Variants in PHF12 observed in about 807,000 individuals in gnomAD.
The protein encoded by PHF12 is PHD finger protein 12, also known as PHD factor 1.
In PHF12, 6 loss-of-function variants were observed where a neutral mutation model predicts 99.8. That is an observed-to-expected ratio of 0.06 (90% CI 0.03 to 0.12). The LOEUF is 0.12. Ranked by LOEUF, PHF12 falls within the 10% of genes least tolerant of loss-of-function variation. The pLI is 1.00. For missense variants in PHF12, 954 were observed against 1,300.1 expected, an observed-to-expected ratio of 0.73 and a Z score of 4.09; for synonymous variants, 480 against 514.9, an observed-to-expected ratio of 0.93 and a Z score of 0.92.
At position 28,950,935 on chromosome 17, in the gene PHF12, G is replaced by T; in HGVS notation, c.26C>A (p.Thr9Lys). The T allele has an allele frequency of 6.2e-7, 1 of 1,613,964 alleles. No homozygotes were observed. The highest frequency in any genetic ancestry group is 8.5e-7 in the Non-Finnish European group (1 of 1,179,920). MWEKMETK[T>K]IVYDLDTSGG... The stretch of plus-strand genomic sequence containing the variant: ...TGATGTGTCCAAGTCGTACACGATC[G>T]TCTTGGTCTCCATTTTCTCCCACAT... Residue 9 changes from threonine to lysine, a missense_variant, in exon 1 of 15, where the codon ACG becomes AAG. Transcript: ENST00000332830. The surrounding 1 kb of genome is among the most constrained non-coding windows in gnomAD (Gnocchi z 5.7).
chr17:28,942,766 A>G (rs1210619296), intron 2 of PHF12, among the ~76,000 whole-genome samples: 1 of 152,098 alleles, frequency 6.6e-6, no homozygotes, highest in Non-Finnish European at 1.5e-5. Flanking sequence ...CAGTGAGCTG[A>G]GATCACACCA....
chr17:28,923,871 C>G, intron 4 of PHF12, 38 bp downstream of exon 4: 1 of 1,565,860 alleles, frequency 6.4e-7, no homozygotes. Flanking sequence ...TTTGGGGAAA[C>G]TGGGGTTGGG....
At chr17:28,916,472 A>G (rs1441880636) in intron 7 of PHF12, among the ~76,000 whole-genome samples, 14 of 152,248 alleles carry the variant, frequency 9.2e-5, no homozygotes, top group Admixed American at 9.2e-4. Flanking sequence ...CTAGGATTAC[A>G]GGCGTGAGCC....
chr17:28,950,830 G>A lies in PHF12; in HGVS notation c.66+65C>T. 6.2e-7 allele frequency: 1 copy of A among 1,600,540 alleles called. No individual in the cohort carries two copies. On this transcript the variant is annotated intron_variant, in intron 1 of 14. Transcript: ENST00000332830. The surrounding 1 kb of genome is among the most constrained non-coding windows in gnomAD (Gnocchi z 5.7). ...GCGCTTCGAGTTTAGGACTGGCTTT[G>A]TGGGGCGGAGGGCGGAGGTTCCCTC...
chr17:28,915,402 G>C (rs1254407861), intron 7 of PHF12, among the ~76,000 whole-genome samples: 1 of 142,348 alleles, frequency 7.0e-6, no homozygotes, highest in Non-Finnish European at 1.5e-5. Context: ...CAGATGTGGA[G>C]AGGCAGAAGA....
At chr17:28,947,077 G>A (rs1366436878) in intron 2 of PHF12, among the ~76,000 whole-genome samples, 3 of 151,468 alleles carry the variant, frequency 2.0e-5, no homozygotes, top group Non-Finnish European at 2.9e-5. Flanking sequence ...TCTGCTGCCT[G>A]GGTTCAAGTG....
chr17:28,906,903 G>C lies in PHF12; in HGVS notation c.2633C>G (p.Pro878Arg). 1 of 1,612,996 alleles carries C rather than the reference G, an allele frequency of 6.2e-7. No individual in the cohort carries two copies. Among genetic ancestry groups the C allele is most frequent in the East Asian group, 2.2e-5 (1 of 44,836 alleles). The change falls in exon 14 of 15, where the codon CCG becomes CGG. Residue 878 changes from proline to arginine, a missense_variant. By Grantham distance (103) the Pro-to-Arg change is moderately radical. This residue lies in a region of PHF12 where 136 missense variants were observed against 172.3 expected (regional missense o/e 0.79). Transcript: ENST00000332830. The surrounding 1 kb of genome is among the most constrained non-coding windows in gnomAD (Gnocchi z 4.2). ...LYSCDFSEKT[P>R]PTPPSSIVAK... is the part of the protein sequence containing the mutation. ...AACAATACTGCTTGGGGGGGTTGGC[G>C]GGGTCTTCTCCGAGAAGTCACATGA... is the stretch of plus-strand genomic sequence containing the variant.
Position 28,951,114 on chromosome 17 carries a change from GC to G in PHF12, c.-155del. On this transcript the variant is annotated 5_prime_UTR_variant, in exon 1 of 15. Transcript: ENST00000332830. ...CGCCCTGGCTCCCCCCCACCCCCCG[GC>G]CCCCAGTCCCCGGGACGACAGCGTC... The G allele has an allele frequency of 2.1e-6, 3 of 1,451,374 alleles. No individual in the cohort carries two copies. The highest frequency in any genetic ancestry group is 2.7e-6 in the Non-Finnish European group (3 of 1,102,390). The allele number at this position is 1,451,374 out of a possible 1,614,324, so 89.9% of individuals were successfully genotyped here.
intron 4 of PHF12, among the ~76,000 whole-genome samples, chr17:28,923,223 A>C (rs1031366800): frequency 5.3e-5 from 8 of 152,344 alleles, no homozygotes; most frequent in African/African-American, 1.9e-4. Context: ...ATAAACAAGA[A>C]TCAACCAGTG....
Position 28,926,721 on chromosome 17 carries a change from A to G in PHF12, c.321+270T>C, listed in dbSNP as rs1175840484. 3.0e-6 allele frequency: 4 copies of G among 1,317,026 alleles called. No homozygotes were observed. The Admixed American group carries it at 9.1e-5, about 30-fold the overall frequency. 81.6% of individuals were successfully genotyped at this position (1,317,026 alleles called of 1,614,324 possible). A position where few individuals can be genotyped will look rare whatever the true frequency, so the allele number is the denominator to read the frequency against. On this transcript the variant is annotated intron_variant, in intron 3 of 14. Transcript: ENST00000332830. ...GATAAGGCCACTTATTAGGAGGACA[A>G]CAAGAAGGTAAGACTACTCCTGTCA...
chr17:28,946,941 A>C (rs2040731552), intron 2 of PHF12, among the ~76,000 whole-genome samples: 1 of 152,160 alleles, frequency 6.6e-6, no homozygotes, highest in African/African-American at 2.4e-5. Flanking sequence ...CAGAGGAAAT[A>C]TAACCTTACT....
rs1324009512 is a variant in PHF12 at position 28,910,211 on chromosome 17, T to C, written c.2359+15A>G. The C allele has an allele frequency of 6.2e-7, 1 of 1,614,076 alleles. No homozygotes were observed. The highest frequency in any genetic ancestry group is 1.7e-5 in the Admixed American group (1 of 60,008). ...GGAGATCTGATGATGTGGTGACAGG[T>C]GTGTACATGCGCACCTTCTATGTGG... On this transcript the variant is annotated intron_variant, in intron 11 of 14. Coordinates refer to ENST00000332830, the MANE Select transcript of PHF12 (RefSeq NM_001033561.2).
At chr17:28,920,064 G>A (rs1344805486) in intron 5 of PHF12, among the ~76,000 whole-genome samples, 3 of 152,170 alleles carry the variant, frequency 2.0e-5, no homozygotes, top group Non-Finnish European at 4.4e-5. Flanking sequence ...CAGCAGAACT[G>A]ACAATTAGAG....
At chr17:28,926,642 AG>A (rs1311850464) in intron 3 of PHF12, 1 of 560,874 alleles carries the variant, frequency 1.8e-6, no homozygotes, top group East Asian at 5.8e-5. Context: ...CTGGGGTGAG[AG>A]AAAACTCCAT....
chr17:28,914,127 T>C, intron 7 of PHF12, 90 bp from the exon 8 acceptor site: 1 of 1,402,704 alleles, frequency 7.1e-7, no homozygotes, highest in Non-Finnish European at 9.7e-7. Context: ...CTGTCTGTGG[T>C]GCTGGTGCTC....
At chr17:28,914,151 C>T in intron 7 of PHF12, 114 bp from the exon 8 acceptor site, 1 of 1,181,894 alleles carries the variant, frequency 8.5e-7, no homozygotes, top group Non-Finnish European at 1.2e-6. Flanking sequence ...GGACCATCCA[C>T]TCTGGGGTCT....
At chr17:28,935,134 C>T (rs564944687) in intron 2 of PHF12, among the ~76,000 whole-genome samples, 1 of 152,344 alleles carries the variant, frequency 6.6e-6, no homozygotes, top group African/African-American at 2.4e-5. Context: ...GAAGACAGAG[C>T]TCTTGCAGAG....
Position 28,906,457 on chromosome 17 carries a change from G to A in PHF12, c.2741C>T (p.Ser914Phe). The A allele has an allele frequency of 1.2e-6, 2 of 1,613,862 alleles. No individual in the cohort carries two copies. Among genetic ancestry groups the A allele is most frequent in the East Asian group, 2.2e-5 (1 of 44,892 alleles). Residue 914 changes from serine to phenylalanine, a missense_variant, in exon 15 of 15, where the codon TCC becomes TTC. Physicochemically the swap from Ser to Phe is radical, Grantham distance 155 (BLOSUM62 -2). Coordinates refer to ENST00000332830, the MANE Select transcript of PHF12 (RefSeq NM_001033561.2). The surrounding 1 kb of genome is among the most constrained non-coding windows in gnomAD (Gnocchi z 4.2). Reference protein sequence around the residue: ...EPSEEAAMMSSQAQGPQRRPC... With the variant: ...EPSEEAAMMSFQAQGPQRRPC... ...TCTCCGCTGCGGCCCCTGGGCCTGGGAACTCATCATGGCTGCCTCCTCACT... is the reference window on the plus strand; with the variant it reads ...TCTCCGCTGCGGCCCCTGGGCCTGGAAACTCATCATGGCTGCCTCCTCACT...
intron 2 of PHF12, among the ~76,000 whole-genome samples, chr17:28,947,887 CAAA>C (rs5819857): frequency 7.0e-6 from 1 of 142,490 alleles, no homozygotes; most frequent in Non-Finnish European, 1.5e-5. Context: ...TTCAATGCCT[CAAA>C]AAAAAAAAAA....
Sources: allele counts gnomAD v4.1 joint callset (sites outside exome capture counted in the v4.1 genomes callset), GRCh38; gene constraint gnomAD v4.1.1; regional missense constraint gnomAD v4.1.1; non-coding constraint Gnocchi (gnomAD v3.1); transcripts MANE v1.5; gene names NCBI Gene and HGNC (gene_info 2026-07-23, HGNC 2026-07-21).